LSAMP: variants seen among roughly 807,000 people sequenced by gnomAD.
LSAMP encodes the protein limbic system-associated membrane protein.
Under a neutral mutation model 38.6 loss-of-function variants are expected in LSAMP, and 7 were observed. That is an observed-to-expected ratio of 0.18 (90% CI 0.10 to 0.34). The LOEUF is 0.34. LSAMP is among the 10% of genes least tolerant of loss of function. The pLI is 1.00. For synonymous variants in LSAMP, 154 were observed against 166.8 expected (o/e 0.92, Z 0.59); for missense variants, 313 against 420.0 (o/e 0.75, Z 2.23).
At chr3:116,007,311 G>T (rs1157504014) in intron 3 of LSAMP, among the ~76,000 whole-genome samples, 1 of 151,942 alleles carries the variant, frequency 6.6e-6, no homozygotes, top group Non-Finnish European at 1.5e-5. Context: ...CAAGGAGTTT[G>T]CTTCTCACAA....
At chr3:115,862,923 AAAG>A (rs1341881234) in intron 3 of LSAMP, among the ~76,000 whole-genome samples, 1 of 152,150 alleles carries the variant, frequency 6.6e-6, no homozygotes, top group Non-Finnish European at 1.5e-5. Flanking sequence ...GTGGGAGAGA[AAAG>A]AAGAGAGCAC....
chr3:116,276,674 TAAAAA>T (rs559344326), intron 1 of LSAMP, among the ~76,000 whole-genome samples: 7,432 of 81,954 alleles, frequency 0.091, 264 homozygotes, highest in African/African-American at 0.2. Context: ...TATGGAAAAA[TAAAAA>T]AAAAGAAAAA....
At chr3:116,270,668 A>G (rs1360970237) in intron 1 of LSAMP, among the ~76,000 whole-genome samples, 1 of 152,114 alleles carries the variant, frequency 6.6e-6, no homozygotes, top group Non-Finnish European at 1.5e-5. Context: ...AGGGGGCCTT[A>G]ATGTTTAATG....
At chr3:116,161,757 A>G (rs1459626249) in intron 1 of LSAMP, among the ~76,000 whole-genome samples, 1 of 152,172 alleles carries the variant, frequency 6.6e-6, no homozygotes, top group Non-Finnish European at 1.5e-5. Flanking sequence ...CCATGCACCA[A>G]AAAAGATGAC....
chr3:116,003,081 C>T (rs962974325), intron 3 of LSAMP, among the ~76,000 whole-genome samples: 28 of 151,938 alleles, frequency 1.8e-4, no homozygotes, highest in Admixed American at 7.2e-4. Context: ...GGGCAGGTAC[C>T]GTGGAAGGTA....
At chr3:116,144,338 T>C (rs956516710) in intron 1 of LSAMP, among the ~76,000 whole-genome samples, 2 of 151,786 alleles carry the variant, frequency 1.3e-5, no homozygotes, top group Non-Finnish European at 2.9e-5. Flanking sequence ...GCCTGGGTAA[T>C]ATAGTGAGAC....
intron 4 of LSAMP, among the ~76,000 whole-genome samples, chr3:115,849,661 A>T (rs12493911): frequency 2.0e-5 from 3 of 152,094 alleles, no homozygotes; most frequent in Admixed American, 2.0e-4. Context: ...GACAGAGGTG[A>T]TCCTGGGCAT....
intron 1 of LSAMP, among the ~76,000 whole-genome samples, chr3:116,173,472 GC>G (rs151290839): frequency 0.039 from 5,955 of 151,678 alleles, 158 homozygotes; most frequent in Middle Eastern, 0.099. Context: ...AGTGGCAAAT[GC>G]CCACTAATAA....
intron 1 of LSAMP, among the ~76,000 whole-genome samples, chr3:116,203,436 A>T (rs2046018450): frequency 6.6e-6 from 1 of 151,902 alleles, no homozygotes; most frequent in South Asian, 2.1e-4. Flanking sequence ...TTTAGGGTAC[A>T]TGTGCACATT....
rs149615703 is a variant in LSAMP at position 115,865,748 on chromosome 3, T to C, written c.515-13131A>G. On this transcript the variant is annotated intron_variant, in intron 3 of 6. Coordinates refer to ENST00000490035, the MANE Select transcript of LSAMP (RefSeq NM_002338.5). Reference sequence around the variant, plus strand: ...CAGGTGATACTCCAGAACACCTACATTTGGTAAGCATCCTTCTGATCTTAC... The same window carrying C: ...CAGGTGATACTCCAGAACACCTACACTTGGTAAGCATCCTTCTGATCTTAC... 1.6e-4 allele frequency among the ~76,000 whole-genome samples: 25 copies of C among 152,290 alleles called. No homozygotes were observed. In the East Asian group the frequency reaches 4.8e-3, roughly 29 times the overall value.
At chr3:116,338,287 A>G (rs918059081) in intron 1 of LSAMP, among the ~76,000 whole-genome samples, 7 of 151,996 alleles carry the variant, frequency 4.6e-5, no homozygotes, top group African/African-American at 1.4e-4. Flanking sequence ...TAGGGTTTAT[A>G]TGGTACCCTC....
intron 3 of LSAMP, among the ~76,000 whole-genome samples, chr3:115,937,992 C>G (rs1393328419): frequency 6.6e-6 from 1 of 152,064 alleles, no homozygotes; most frequent in African/African-American, 2.4e-5. Flanking sequence ...TTTATTTAAA[C>G]TATAGTCAGT....
intron 6 of LSAMP, among the ~76,000 whole-genome samples, chr3:115,832,986 G>A (rs575504295): frequency 3.3e-5 from 5 of 152,242 alleles, no homozygotes; most frequent in South Asian, 4.1e-4. Flanking sequence ...CATAATGCAC[G>A]ATTAGATAAA....
At chr3:115,872,976 A>G (rs1283112918) in intron 3 of LSAMP, among the ~76,000 whole-genome samples, 2 of 152,210 alleles carry the variant, frequency 1.3e-5, no homozygotes, top group African/African-American at 4.8e-5. Flanking sequence ...ATACATACAC[A>G]TATATACATA....
At chr3:116,158,050 C>T (rs7629452) in intron 1 of LSAMP, among the ~76,000 whole-genome samples, 82,457 of 151,764 alleles carry the variant, frequency 0.54, 23,150 homozygotes, top group East Asian at 0.76. Context: ...GTTGGTTCAA[C>T]ATACACAAAT....
At chr3:116,289,751 T>G (rs1437312657) in intron 1 of LSAMP, among the ~76,000 whole-genome samples, 1 of 152,174 alleles carries the variant, frequency 6.6e-6, no homozygotes, top group Non-Finnish European at 1.5e-5. Flanking sequence ...AGCACAAACC[T>G]GCTTATTAAG....
chr3:115,816,673 A>T, intron 6 of LSAMP: 1 of 1,242,382 alleles, frequency 8.0e-7, no homozygotes, highest in Non-Finnish European at 1.1e-6. Flanking sequence ...TAAGCAAAAC[A>T]AAAACAAATA....
intron 2 of LSAMP, among the ~76,000 whole-genome samples, chr3:116,062,644 T>C (rs909912017): frequency 8.5e-5 from 13 of 152,228 alleles, no homozygotes; most frequent in African/African-American, 2.9e-4. Flanking sequence ...TATGTAACAG[T>C]CTTCTGCGAG....
intron 2 of LSAMP, among the ~76,000 whole-genome samples, chr3:116,053,656 C>T (rs768424198): frequency 6.6e-5 from 10 of 152,052 alleles, no homozygotes; most frequent in Non-Finnish European, 8.8e-5. Flanking sequence ...TAGTTTGATA[C>T]GACTGAAACA....
Sources: gnomAD v4.1 joint callset for allele counts (sites outside exome capture counted in the v4.1 genomes callset) on GRCh38, gnomAD v4.1.1 for gene constraint, MANE v1.5 for transcripts, NCBI Gene and HGNC (gene_info 2026-07-23, HGNC 2026-07-21) for gene names.